The following RALYL variants were observed in gnomAD, a reference collection of about 807,000 sequenced individuals.
RALYL encodes RNA-binding Raly-like protein.
RALYL carries 29 observed loss-of-function variants against 35.1 expected under a neutral mutation model. The ratio of observed to expected loss-of-function variants is 0.83; its 90% CI spans 0.61 to 1.13. RALYL has a LOEUF of 1.13. Among genes scored for constraint, RALYL ranks in the 50% most tolerant of loss-of-function variants. The pLI is 0.00. For missense variants in RALYL, 359 were observed against 360.4 expected (o/e 1.00, Z 0.03); for synonymous variants, 120 against 127.6 (o/e 0.94, Z 0.40).
chr8:84,776,766 G>A (rs886096637), intron 3 of RALYL, among the ~76,000 whole-genome samples: 1 of 152,120 alleles, frequency 6.6e-6, no homozygotes, highest in Non-Finnish European at 1.5e-5. Flanking sequence ...GGAAGCTCAT[G>A]ACATGAATGT....
At position 84,840,485 on chromosome 8, in the gene RALYL, G is replaced by A. The variant is rs887012993; in HGVS notation, c.366-9495G>A. 3.3e-5 allele frequency among the ~76,000 whole-genome samples: 5 copies of A among 152,288 alleles called. No individual in the cohort carries two copies. In the East Asian group the frequency reaches 5.8e-4, roughly 18 times the overall value. The stretch of plus-strand genomic sequence containing the variant: ...GACTATGTGAAAAGACCAAATCTAC[G>A]CCTGACTGGTGTACCTGAAAGTGAC... On this transcript the variant is annotated intron_variant, in intron 4 of 8. Coordinates refer to ENST00000521268, the MANE Select transcript of RALYL (RefSeq NM_173848.7).
chr8:84,559,350 G>T (rs2061340734), intron 2 of RALYL, among the ~76,000 whole-genome samples: 1 of 151,996 alleles, frequency 6.6e-6, no homozygotes, highest in Non-Finnish European at 1.5e-5. Flanking sequence ...AAGCAATTAA[G>T]AACTATATTT....
At chr8:84,370,236 T>G (rs560924195) in intron 1 of RALYL, among the ~76,000 whole-genome samples, 34 of 152,172 alleles carry the variant, frequency 2.2e-4, no homozygotes, top group Admixed American at 2.1e-3. Flanking sequence ...GTTTTAGTGT[T>G]TACAGGGGAA....
chr8:84,750,234 A>G lies in RALYL; in HGVS notation c.257-24345A>G, dbSNP rs544932903. 3.9e-5 allele frequency among the ~76,000 whole-genome samples: 6 copies of G among 152,310 alleles called. No homozygotes were observed. In the South Asian group the frequency reaches 1.0e-3, roughly 26 times the overall value. On this transcript the variant is annotated intron_variant, in intron 2 of 8. Coordinates refer to ENST00000521268, the MANE Select transcript of RALYL (RefSeq NM_173848.7). ...TCTGATTAAAGAGTTAAAGAGAAGA[A>G]TTATTTCTTTTACAAAAAGATACAT...
intron 2 of RALYL, chr8:84,679,181 T>A: frequency 5.3e-6 from 1 of 189,756 alleles, no homozygotes; most frequent in South Asian, 1.0e-4. Context: ...CTCAGTGATC[T>A]ACTGACATTG....
intron 2 of RALYL, among the ~76,000 whole-genome samples, chr8:84,734,817 G>A (rs1043279618): frequency 4.6e-5 from 7 of 151,914 alleles, no homozygotes; most frequent in Non-Finnish European, 8.8e-5. Flanking sequence ...TTACAGTAAA[G>A]GAGTTATGAT....
Position 84,829,461 on chromosome 8 carries a change from G to T in RALYL, c.366-20519G>T, listed in dbSNP as rs548903849. ...CTTTAAGTAGACTTGGGTCAAACAG[G>T]AGTTTCATGAGGTTTCATCTTTCCA... is the stretch of plus-strand genomic sequence containing the variant. On this transcript the variant is annotated intron_variant, in intron 4 of 8. Transcript: ENST00000521268. 223 of 158,182 alleles carry T rather than the reference G, an allele frequency of 1.4e-3. 1 individual carries two copies. Among genetic ancestry groups the T allele is most frequent in the African/African-American group, 5.1e-3 (212 of 41,880 alleles). 9.8% of individuals were successfully genotyped at this position (158,182 alleles called of 1,614,324 possible). A position where few individuals can be genotyped will look rare whatever the true frequency, so the allele number is the denominator to read the frequency against.
At chr8:84,710,552 T>C (rs1159502118) in intron 2 of RALYL, among the ~76,000 whole-genome samples, 2 of 152,162 alleles carry the variant, frequency 1.3e-5, no homozygotes, top group East Asian at 3.9e-4. Flanking sequence ...TCTGCCTGCC[T>C]TGGCCTCCCA....
chr8:84,766,244 T>A (rs2133439382), intron 2 of RALYL, among the ~76,000 whole-genome samples: 1 of 152,264 alleles, frequency 6.6e-6, no homozygotes, highest in East Asian at 1.9e-4. Context: ...TCGTCCAAAA[T>A]ATCCTAAATT....
At chr8:84,664,957 T>A (rs1016703016) in intron 2 of RALYL, among the ~76,000 whole-genome samples, 3 of 152,152 alleles carry the variant, frequency 2.0e-5, no homozygotes, top group African/African-American at 7.2e-5. Context: ...ATATTGGTTG[T>A]GGGTTTGTCA....
chr8:84,861,191 G>A (rs1028863099), intron 5 of RALYL, among the ~76,000 whole-genome samples: 2 of 151,946 alleles, frequency 1.3e-5, no homozygotes, highest in Admixed American at 1.3e-4. Flanking sequence ...AATAAAATAT[G>A]TAACAATCAT....
intron 2 of RALYL, among the ~76,000 whole-genome samples, chr8:84,645,583 T>C: frequency 6.6e-6 from 1 of 152,064 alleles, no homozygotes; most frequent in East Asian, 1.9e-4. Flanking sequence ...TATTATTCTT[T>C]TACCCAAGAT....
intron 2 of RALYL, among the ~76,000 whole-genome samples, chr8:84,614,798 C>CT (rs1819083887): frequency 1.4e-5 from 1 of 72,296 alleles, no homozygotes; most frequent in Non-Finnish European, 2.9e-5. Context: ...TTTTCATTTT[C>CT]TTTGTTTGGA....
At chr8:84,381,372 C>G (rs1001506162) in intron 1 of RALYL, among the ~76,000 whole-genome samples, 19 of 151,888 alleles carry the variant, frequency 1.3e-4, no homozygotes, top group Admixed American at 3.9e-4. Context: ...CTTGTTCCAG[C>G]ATTCCTTCTT....
intron 7 of RALYL, among the ~76,000 whole-genome samples, chr8:84,875,542 T>TAAGA (rs3068138): frequency 0.46 from 69,158 of 151,648 alleles, 18,736 homozygotes; most frequent in African/African-American, 0.74. Context: ...TTTAAAATAA[T>TAAGA]AAGACTTAGT....
At chr8:84,620,266 C>T (rs765534035) in intron 2 of RALYL, among the ~76,000 whole-genome samples, 3,066 of 152,238 alleles carry the variant, frequency 0.02, 78 homozygotes, top group Non-Finnish European at 0.026. Flanking sequence ...CACATAGTCC[C>T]ATATTTCTTG....
chr8:84,227,568 T>G (rs936370864), intron 1 of RALYL, among the ~76,000 whole-genome samples: 2 of 152,154 alleles, frequency 1.3e-5, no homozygotes, highest in African/African-American at 4.8e-5. Context: ...TTACATGATC[T>G]TATTCTTCCA....
intron 1 of RALYL, among the ~76,000 whole-genome samples, chr8:84,419,544 T>G (rs1450477063): frequency 1.5e-5 from 2 of 137,272 alleles, no homozygotes; most frequent in Non-Finnish European, 1.5e-5. Flanking sequence ...TGGTCTTAAC[T>G]TTTTTTTTTT....
At chr8:84,447,628 T>C (rs1302826343) in intron 1 of RALYL, among the ~76,000 whole-genome samples, 1 of 152,080 alleles carries the variant, frequency 6.6e-6, no homozygotes, top group Non-Finnish European at 1.5e-5. Context: ...ACATCAAAAA[T>C]ATTTATTGAA....
Sources: allele counts gnomAD v4.1 joint callset (sites outside exome capture counted in the v4.1 genomes callset), GRCh38; gene constraint gnomAD v4.1.1; transcripts MANE v1.5; gene names NCBI Gene and HGNC (gene_info 2026-07-23, HGNC 2026-07-21).